Variants in ARHGAP28 observed in about 807,000 individuals in gnomAD.
The protein encoded by ARHGAP28 is Rho GTPase activating protein 28.
In ARHGAP28, 56 loss-of-function variants were observed where a neutral mutation model predicts 90.7. The ratio of observed to expected loss-of-function variants is 0.62; its 90% CI spans 0.50 to 0.77. The LOEUF (loss-of-function observed/expected upper bound fraction) is 0.77. Among genes scored for constraint, ARHGAP28 ranks in the 30% least tolerant of loss-of-function variants. ARHGAP28 has a pLI of 0.00. For missense variants in ARHGAP28, 869 were observed against 900.9 expected, an observed-to-expected ratio of 0.96 and a Z score of 0.45; for synonymous variants, 308 against 323.3, an observed-to-expected ratio of 0.95 and a Z score of 0.51.
At chr18:6,885,627 A>T (rs895488280) in intron 11 of ARHGAP28, among the ~76,000 whole-genome samples, 2 of 152,222 alleles carry the variant, frequency 1.3e-5, no homozygotes, top group African/African-American at 4.8e-5. Flanking sequence ...TGAATTAACT[A>T]CAAAACTATT....
At chr18:6,841,182 T>TCTCTCTCTCTCTC (rs2056815335) in intron 3 of ARHGAP28, among the ~76,000 whole-genome samples, 1 of 44,232 alleles carries the variant, frequency 2.3e-5, no homozygotes, top group Admixed American at 2.1e-4. Context: ...CTCTCTCTCC[T>TCTCTCTCTCTCTC]CTCTCTCTCT....
chr18:6,800,722 T>C (rs972748774), intron 1 of ARHGAP28, among the ~76,000 whole-genome samples: 2 of 151,978 alleles, frequency 1.3e-5, no homozygotes, highest in Non-Finnish European at 1.5e-5. Flanking sequence ...GATGGGGGAC[T>C]AGGGGAGGGA....
At chr18:6,758,690 A>G (rs2056133828) in intron 1 of ARHGAP28, among the ~76,000 whole-genome samples, 1 of 152,160 alleles carries the variant, frequency 6.6e-6, no homozygotes, top group East Asian at 1.9e-4. Context: ...CAAATTGTCC[A>G]GTTTTCCTCC....
At chr18:6,785,746 T>G (rs914338287) in intron 1 of ARHGAP28, among the ~76,000 whole-genome samples, 1 of 152,242 alleles carries the variant, frequency 6.6e-6, no homozygotes, top group Non-Finnish European at 1.5e-5. Flanking sequence ...TGAGTTTCCA[T>G]GTAGATATGA....
intron 16 of ARHGAP28, among the ~76,000 whole-genome samples, chr18:6,900,893 A>C (rs950464392): frequency 6.9e-6 from 1 of 145,558 alleles, no homozygotes; most frequent in African/African-American, 2.4e-5. Flanking sequence ...AAAGACAAAA[A>C]TCTTTGAAAT....
At chr18:6,815,596 C>A (rs1319723806) in intron 1 of ARHGAP28, among the ~76,000 whole-genome samples, 1 of 152,102 alleles carries the variant, frequency 6.6e-6, no homozygotes, top group Non-Finnish European at 1.5e-5. Context: ...TATTAGCAGT[C>A]ACTCTCCATC....
intron 3 of ARHGAP28, among the ~76,000 whole-genome samples, chr18:6,840,150 T>C (rs1312115482): frequency 6.6e-6 from 1 of 152,194 alleles, no homozygotes; most frequent in African/African-American, 2.4e-5. Context: ...TTGCTATTAC[T>C]GTAAATAAAA....
chr18:6,827,280 C>G (rs1211136999), intron 2 of ARHGAP28, among the ~76,000 whole-genome samples: 13 of 151,402 alleles, frequency 8.6e-5, no homozygotes, highest in African/African-American at 3.2e-4. Flanking sequence ...TGAGGCGCCC[C>G]TCACCTCCCG....
chr18:6,811,002 T>C (rs922778574), intron 1 of ARHGAP28, among the ~76,000 whole-genome samples: 1 of 152,074 alleles, frequency 6.6e-6, no homozygotes, highest in African/African-American at 2.4e-5. Flanking sequence ...TTCTGTGTGA[T>C]TAGGGCCCAA....
At chr18:6,872,859 AT>A (rs1159011253) in intron 7 of ARHGAP28, among the ~76,000 whole-genome samples, 1 of 152,158 alleles carries the variant, frequency 6.6e-6, no homozygotes, top group African/African-American at 2.4e-5. Flanking sequence ...TTTAAATTTA[AT>A]TTTTATGGTA....
intron 1 of ARHGAP28, among the ~76,000 whole-genome samples, chr18:6,739,032 C>T (rs2055952655): frequency 6.6e-6 from 1 of 152,156 alleles, no homozygotes; most frequent in Non-Finnish European, 1.5e-5. Flanking sequence ...CATACATTAC[C>T]CCAGTTATTC....
At chr18:6,889,826 A>G (rs899762052) in intron 12 of ARHGAP28, 62 bp from the exon 13 acceptor site, 2 of 1,468,566 alleles carry the variant, frequency 1.4e-6, no homozygotes, top group Admixed American at 1.7e-5. Context: ...AGAATGAATG[A>G]TAGCAATCAG....
intron 1 of ARHGAP28, among the ~76,000 whole-genome samples, chr18:6,799,441 CA>C (rs2056465806): frequency 6.6e-6 from 1 of 152,116 alleles, no homozygotes; most frequent in Non-Finnish European, 1.5e-5. Context: ...CAATCCTAAG[CA>C]AAAAGAACAA....
At chr18:6,813,887 C>A (rs1366833052) in intron 1 of ARHGAP28, among the ~76,000 whole-genome samples, 4 of 152,036 alleles carry the variant, frequency 2.6e-5, no homozygotes, top group South Asian at 2.1e-4. Context: ...AGAGGATCTC[C>A]CTCTCAAACA....
chr18:6,840,018 T>A (rs1157667574), intron 3 of ARHGAP28, among the ~76,000 whole-genome samples: 1 of 152,204 alleles, frequency 6.6e-6, no homozygotes, highest in Non-Finnish European at 1.5e-5. Context: ...AGCACTGGGA[T>A]ACCCTTCTGT....
intron 14 of ARHGAP28, among the ~76,000 whole-genome samples, chr18:6,893,991 C>T (rs550173950): frequency 2.6e-5 from 4 of 151,662 alleles, no homozygotes; most frequent in East Asian, 1.9e-4. Flanking sequence ...CTCAGCCTCC[C>T]GAGTAGTTGG....
chr18:6,733,844 C>A (rs1000682643), intron 1 of ARHGAP28, among the ~76,000 whole-genome samples: 3 of 152,104 alleles, frequency 2.0e-5, no homozygotes, highest in Non-Finnish European at 4.4e-5. Context: ...AACAAAAAAA[C>A]ATTCTCAGCT....
chr18:6,815,820 A>G (rs1428864992), intron 1 of ARHGAP28, among the ~76,000 whole-genome samples: 1 of 151,962 alleles, frequency 6.6e-6, no homozygotes, highest in Non-Finnish European at 1.5e-5. Context: ...TCATTCTTCC[A>G]TTGCCACCGT....
At chr18:6,813,880 G>T (rs2056573226) in intron 1 of ARHGAP28, among the ~76,000 whole-genome samples, 1 of 152,060 alleles carries the variant, frequency 6.6e-6, no homozygotes. Context: ...CTCAATCAGA[G>T]GATCTCCCTC....
Sources: gnomAD v4.1 joint callset for allele counts (sites outside exome capture counted in the v4.1 genomes callset) on GRCh38, gnomAD v4.1.1 for gene constraint, MANE v1.5 for transcripts, NCBI Gene and HGNC (gene_info 2026-07-23, HGNC 2026-07-21) for gene names.